The following OR51B5 variants were observed in gnomAD, a reference collection of about 807,000 sequenced individuals.
OR51B5 encodes the protein olfactory receptor family 51 subfamily B member 5.
For missense variants in OR51B5, 456 were observed against 374.6 expected (o/e 1.22, Z -1.79); for synonymous variants, 186 against 144.8 (o/e 1.28, Z -2.04).
intron 1 of OR51B5, chr11:5,488,686 G>A: frequency 6.6e-7 from 1 of 1,511,654 alleles, no homozygotes; most frequent in Non-Finnish European, 9.2e-7. Flanking sequence ...TTCAGAAAGA[G>A]CCCTTCATTT....
At chr11:5,351,657 T>C (rs745484636) in intron 1 of OR51B5, 2 of 1,614,018 alleles carry the variant, frequency 1.2e-6, no homozygotes, top group Non-Finnish European at 1.7e-6. Flanking sequence ...TCAGGAATGA[T>C]CATAACCTCC....
chr11:5,372,857 T>C (rs147198688), intron 1 of OR51B5, among the ~76,000 whole-genome samples: 1 of 152,274 alleles, frequency 6.6e-6, no homozygotes, highest in East Asian at 1.9e-4. Flanking sequence ...CACCCCCAAA[T>C]GGCCAAAACA....
At chr11:5,432,807 G>C (rs1185976897) in intron 1 of OR51B5, among the ~76,000 whole-genome samples, 1 of 152,150 alleles carries the variant, frequency 6.6e-6, no homozygotes, top group Admixed American at 6.5e-5. Context: ...TTAGATTCAT[G>C]ATCTTCTCTT....
intron 1 of OR51B5, among the ~76,000 whole-genome samples, chr11:5,437,576 C>T (rs1416605907): frequency 1.3e-5 from 2 of 152,172 alleles, no homozygotes; most frequent in East Asian, 1.9e-4. Flanking sequence ...TAAGTCCTGG[C>T]CTTGCCACCT....
chr11:5,420,193 GAATT>G (rs1337188837), intron 1 of OR51B5, among the ~76,000 whole-genome samples: 1 of 151,748 alleles, frequency 6.6e-6, no homozygotes, highest in African/African-American at 2.4e-5. Context: ...TAAATTTACT[GAATT>G]AAAGTGGCAT....
upstream of OR51B5, among the ~76,000 whole-genome samples, chr11:5,344,685 G>C (rs1202671352): frequency 6.6e-6 from 1 of 152,034 alleles, no homozygotes; most frequent in Non-Finnish European, 1.5e-5. Context: ...ACATTTCTTA[G>C]TTCACCTAAT....
At chr11:5,384,715 C>T (rs1280275895) in intron 1 of OR51B5, among the ~76,000 whole-genome samples, 1 of 152,192 alleles carries the variant, frequency 6.6e-6, no homozygotes, top group Non-Finnish European at 1.5e-5. Flanking sequence ...TTATTAAATG[C>T]ATTTTATATG....
chr11:5,439,661 G>A (rs540409629), intron 1 of OR51B5, among the ~76,000 whole-genome samples: 6 of 152,154 alleles, frequency 3.9e-5, no homozygotes, highest in Non-Finnish European at 7.4e-5. Context: ...AAGTTTCGAT[G>A]CAAAGCTGAT....
At chr11:5,446,861 T>C (rs1220489633) in intron 1 of OR51B5, among the ~76,000 whole-genome samples, 1 of 152,194 alleles carries the variant, frequency 6.6e-6, no homozygotes, top group Non-Finnish European at 1.5e-5. Context: ...AAAGAGGCAT[T>C]GATCCTACTT....
intron 1 of OR51B5, among the ~76,000 whole-genome samples, chr11:5,365,884 G>GCTTA (rs2133702280): frequency 6.6e-6 from 1 of 152,270 alleles, no homozygotes; most frequent in East Asian, 1.9e-4. Context: ...GAGGAACTCT[G>GCTTA]CTTACCTCTT....
chr11:5,350,603 C>T (rs565907100), intron 1 of OR51B5, among the ~76,000 whole-genome samples: 3 of 152,124 alleles, frequency 2.0e-5, no homozygotes, highest in Non-Finnish European at 4.4e-5. Context: ...AAAAAAAATT[C>T]TCCTTGATCT....
intron 1 of OR51B5, chr11:5,423,173 T>C (rs772754463): frequency 2.9e-5 from 46 of 1,562,636 alleles, no homozygotes; most frequent in Non-Finnish European, 4.0e-5. Context: ...ATTTCTTAAA[T>C]TACTGACAAG....
chr11:5,459,489 C>T, intron 1 of OR51B5, among the ~76,000 whole-genome samples: 1 of 143,262 alleles, frequency 7.0e-6, no homozygotes, highest in East Asian at 1.9e-4. Flanking sequence ...TGACTTTTGT[C>T]AGATGTATGC....
intron 1 of OR51B5, among the ~76,000 whole-genome samples, chr11:5,372,090 G>A (rs939355927): frequency 6.6e-6 from 1 of 151,854 alleles, no homozygotes; most frequent in Non-Finnish European, 1.5e-5. Context: ...GAATAATATT[G>A]TGATATCATA....
At chr11:5,438,815 C>A (rs540996667) in intron 1 of OR51B5, among the ~76,000 whole-genome samples, 1 of 152,076 alleles carries the variant, frequency 6.6e-6, no homozygotes, top group Non-Finnish European at 1.5e-5. Flanking sequence ...ATAAATATAT[C>A]CTGTGGAGTG....
chr11:5,388,146 GTAA>G (rs1432526465), intron 1 of OR51B5, among the ~76,000 whole-genome samples: 1 of 151,894 alleles, frequency 6.6e-6, no homozygotes, highest in Admixed American at 6.6e-5. Context: ...AAGATTAATG[GTAA>G]TGATACATAT....
chr11:5,445,553 T>C (rs956259546), intron 1 of OR51B5, among the ~76,000 whole-genome samples: 2 of 151,926 alleles, frequency 1.3e-5, no homozygotes, highest in Non-Finnish European at 2.9e-5. Flanking sequence ...ACTTATAGTA[T>C]ACAGACCAAT....
rs1849201951 is a variant in OR51B5, at chr11:5,356,835, G to C, written n.85-9925C>G. 1.6e-5 allele frequency among the ~76,000 whole-genome samples: 2 copies of C among 126,258 alleles called. 1 individual carries two copies. Among genetic ancestry groups the C allele is most frequent in the Non-Finnish European group, 3.6e-5 (2 of 56,298 alleles). 82.8% of individuals were successfully genotyped at this position (126,258 alleles called of 152,430 possible). A position where few individuals can be genotyped will look rare whatever the true frequency, so the allele number is the denominator to read the frequency against. ...GGGGCCAATATTCAACATCCTTAAA[G>C]GAAAGAATTTTCAACACAGAATTTC... On this transcript the variant is annotated intron_variant and non_coding_transcript_variant, in intron 1 of 4. Coordinates refer to the OR51B5 transcript ENST00000415970.
intron 1 of OR51B5, chr11:5,455,700 C>CT (rs1850947103): frequency 6.6e-6 from 1 of 152,052 alleles, no homozygotes; most frequent in South Asian, 2.1e-4. Flanking sequence ...AGTAGCAAAG[C>CT]ATATTGTTAT....
Sources: allele counts gnomAD v4.1 joint callset (sites outside exome capture counted in the v4.1 genomes callset), GRCh38; gene constraint gnomAD v4.1.1; transcripts MANE v1.5; gene names NCBI Gene and HGNC (gene_info 2026-07-23, HGNC 2026-07-21).